NNT: variants seen among roughly 807,000 people sequenced by gnomAD.
NNT encodes nicotinamide nucleotide transhydrogenase.
Under a neutral mutation model 104.8 loss-of-function variants are expected in NNT, and 50 were observed. The observed-to-expected ratio is 0.48, with a 90% CI of 0.38 to 0.60. The LOEUF is 0.60. Ranked by LOEUF, NNT falls within the 20% of genes least tolerant of loss-of-function variation. The pLI is 0.00. For missense variants in NNT, 1,131 were observed against 1,330.7 expected (o/e 0.85, Z 2.33); for synonymous variants, 461 against 490.4 (o/e 0.94, Z 0.79).
intron 7 of NNT, among the ~76,000 whole-genome samples, chr5:43,642,712 G>C (rs1427256104): frequency 6.6e-6 from 1 of 152,194 alleles, no homozygotes; most frequent in Non-Finnish European, 1.5e-5. Flanking sequence ...GGAGCCTTAG[G>C]ATTTGGACTT....
chr5:43,698,676 C>G (rs1467035680), intron 19 of NNT, among the ~76,000 whole-genome samples: 1 of 151,914 alleles, frequency 6.6e-6, no homozygotes, highest in African/African-American at 2.4e-5. Context: ...ATCAATTAGC[C>G]TAGAGTAAAA....
At chr5:43,697,307 C>A (rs1391388179) in intron 19 of NNT, among the ~76,000 whole-genome samples, 3 of 152,260 alleles carry the variant, frequency 2.0e-5, no homozygotes, top group East Asian at 1.9e-4. Context: ...CAAGAGTCAC[C>A]TTTGCCCCAG....
intron 7 of NNT, among the ~76,000 whole-genome samples, chr5:43,632,920 G>T (rs559008697): frequency 5.9e-5 from 9 of 152,258 alleles, no homozygotes; most frequent in Non-Finnish European, 1.2e-4. Context: ...TAAGTACGTT[G>T]GGGAGGGGAG....
rs1021243967 is a variant in NNT, at chr5:43,705,024, A to G, written c.*620A>G. On this transcript the variant is annotated 3_prime_UTR_variant, in exon 22 of 22. Transcript: ENST00000344920. Reference sequence around the variant, plus strand: ...ATTAAAGGACTAAATAATCTTTCAGAGATGCTGGAAACAAATCATTTGCTT... The same window carrying G: ...ATTAAAGGACTAAATAATCTTTCAGGGATGCTGGAAACAAATCATTTGCTT... 2.6e-5 allele frequency: 4 copies of G among 152,190 alleles called. No homozygotes were observed. The highest frequency in any genetic ancestry group is 9.7e-5 in the African/African-American group (4 of 41,448). The allele number at this position is 152,190 out of a possible 1,614,324, so 9.4% of individuals were successfully genotyped here.
chr5:43,689,044 C>T (rs1204349251), intron 19 of NNT, among the ~76,000 whole-genome samples: 1 of 152,170 alleles, frequency 6.6e-6, no homozygotes, highest in Admixed American at 6.5e-5. Context: ...CACTACATCC[C>T]CACCAACCTT....
chr5:43,609,128 T>A lies in NNT; in HGVS notation c.-53-15T>A. On this transcript the variant is annotated splice_polypyrimidine_tract_variant and intron_variant, in intron 1 of 21. Coordinates refer to ENST00000344920, the MANE Select transcript of NNT (RefSeq NM_182977.3). ...TTTTCTTGGCATATATACATCCTAT[T>A]TTCTTTTTTCTTAGTGATTTGCCTT... The A allele has an allele frequency of 7.6e-7, 1 of 1,318,146 alleles. No individual in the cohort carries two copies. The highest frequency in any genetic ancestry group is 1.4e-5 in the South Asian group (1 of 73,834). The allele number at this position is 1,318,146 out of a possible 1,614,324, so 81.7% of individuals were successfully genotyped here.
intron 18 of NNT, among the ~76,000 whole-genome samples, chr5:43,676,900 G>A (rs952118662): frequency 2.0e-5 from 3 of 152,126 alleles, no homozygotes; most frequent in Non-Finnish European, 4.4e-5. Context: ...AGAAGCCAAC[G>A]GGAATAGCTT....
chr5:43,603,492 G>T (rs1444829631), intron 1 of NNT, among the ~76,000 whole-genome samples, 198 bp downstream of exon 1: 1 of 152,204 alleles, frequency 6.6e-6, no homozygotes, highest in African/African-American at 2.4e-5. Flanking sequence ...GCTTAGGTGG[G>T]GAAGAAGCAC....
intron 13 of NNT, 60 bp from the exon 14 acceptor site, chr5:43,652,958 A>C: frequency 7.6e-7 from 1 of 1,324,352 alleles, no homozygotes; most frequent in Non-Finnish European, 1.0e-6. Context: ...ATATATTGAA[A>C]TCTCTAAGCT....
chr5:43,694,312 T>G (rs1742441714), intron 19 of NNT, among the ~76,000 whole-genome samples: 1 of 152,204 alleles, frequency 6.6e-6, no homozygotes, highest in Admixed American at 6.5e-5. Context: ...ACTCTCAGAT[T>G]GTGTTGACTA....
chr5:43,661,758 G>A lies in NNT; in HGVS notation c.2634+2408G>A, dbSNP rs1580064586. Among the ~76,000 whole-genome samples the A allele has an allele frequency of 3.9e-5, 6 of 152,002 alleles. No homozygotes were observed. The South Asian group carries it at 1.2e-3, about 32-fold the overall frequency. ...CATGAACTCATCATTTTTTATGGCT[G>A]CATAGTATTCCATGGTGTATATGTG... On this transcript the variant is annotated intron_variant, in intron 17 of 21. Coordinates refer to ENST00000344920, the MANE Select transcript of NNT (RefSeq NM_182977.3).
chr5:43,683,659 A>T (rs1177695552), intron 19 of NNT, among the ~76,000 whole-genome samples: 1 of 152,230 alleles, frequency 6.6e-6, no homozygotes, highest in Non-Finnish European at 1.5e-5. Context: ...TTTTCATTTT[A>T]TTGAGCTCAT....
At chr5:43,649,005 A>G (rs1289694728) in intron 10 of NNT, 142 bp from the exon 11 acceptor site, 1 of 958,422 alleles carries the variant, frequency 1.0e-6, no homozygotes, top group African/African-American at 1.6e-5. Context: ...TCAACTGTCA[A>G]ATGTCTAAAA....
intron 19 of NNT, among the ~76,000 whole-genome samples, 184 bp downstream of exon 19, chr5:43,677,990 A>G (rs1437229632): frequency 2.6e-5 from 4 of 152,244 alleles, no homozygotes; most frequent in African/African-American, 7.2e-5. Flanking sequence ...GCTGATCAGA[A>G]TGCTTACTGA....
rs533541549 is a variant in NNT at position 43,651,073 on chromosome 5, T to C, written c.1717+486T>C. Among the ~76,000 whole-genome samples, 33 of 152,310 alleles carry C rather than the reference T, an allele frequency of 2.2e-4. No homozygotes were observed. The South Asian group carries it at 3.7e-3, about 17-fold the overall frequency. On this transcript the variant is annotated intron_variant, in intron 12 of 21. Transcript: ENST00000344920. ...GTTGATATGGTATTTTTTTCTTTTA[T>C]AATTTATTATAGGGTTTTACAAATG...
Position 43,677,915 on chromosome 5 carries a change from C to T in NNT, c.2876+109C>T, listed in dbSNP as rs10054154. On this transcript the variant is annotated intron_variant, in intron 19 of 21. Coordinates refer to ENST00000344920, the MANE Select transcript of NNT (RefSeq NM_182977.3). ...TGTAGGGGTTAGGGCACTGACCCGC[C>T]CATACAATTAAAAATCCATATATAA... 4,421 of 794,696 alleles carry T rather than the reference C, an allele frequency of 5.6e-3. 81 individuals are homozygous for T. The highest frequency in any genetic ancestry group is 0.044 in the African/African-American group (2,546 of 58,384). 49.2% of individuals were successfully genotyped at this position (794,696 alleles called of 1,614,324 possible).
chr5:43,640,922 T>G (rs1416418463), intron 7 of NNT, among the ~76,000 whole-genome samples: 2 of 151,678 alleles, frequency 1.3e-5, no homozygotes, highest in Non-Finnish European at 2.9e-5. Flanking sequence ...TGCTTTAAAT[T>G]TAGGAAGTGC....
intron 20 of NNT, among the ~76,000 whole-genome samples, chr5:43,701,121 T>C (rs1742828272): frequency 6.6e-6 from 1 of 152,180 alleles, no homozygotes; most frequent in South Asian, 2.1e-4. Context: ...TTAACTTTTA[T>C]TGTAGATTCA....
intron 19 of NNT, among the ~76,000 whole-genome samples, chr5:43,699,630 A>T (rs1337756381): frequency 6.6e-6 from 1 of 152,192 alleles, no homozygotes; most frequent in African/African-American, 2.4e-5. Context: ...CGGGGATTAC[A>T]GGCATTAGCC....
Sources: allele counts gnomAD v4.1 joint callset (sites outside exome capture counted in the v4.1 genomes callset), GRCh38; gene constraint gnomAD v4.1.1; transcripts MANE v1.5; gene names NCBI Gene and HGNC (gene_info 2026-07-23, HGNC 2026-07-21).